R3HDM1: variants seen among roughly 807,000 people sequenced by gnomAD.
The protein encoded by R3HDM1 is R3H domain-containing protein 1.
Under a neutral mutation model 141.1 loss-of-function variants are expected in R3HDM1, and 46 were observed. The ratio of observed to expected loss-of-function variants is 0.33; its 90% CI spans 0.26 to 0.42. The LOEUF (loss-of-function observed/expected upper bound fraction) is 0.42, where lower values mean the gene tolerates loss of function less well. Among genes scored for constraint, R3HDM1 ranks in the 10% least tolerant of loss-of-function variants. R3HDM1 has a pLI of 1.00. For missense variants in R3HDM1, 1,184 were observed against 1,368.3 expected (o/e 0.87, Z 2.12); for synonymous variants, 435 against 472.9 (o/e 0.92, Z 1.04).
At chr2:135,538,587 G>C (rs1045076739) in intron 1 of R3HDM1, among the ~76,000 whole-genome samples, 1 of 152,012 alleles carries the variant, frequency 6.6e-6, no homozygotes, top group African/African-American at 2.4e-5. Context: ...TGCCCTATAA[G>C]CATTTTTCTA....
chr2:135,722,101 C>T lies in R3HDM1; in HGVS notation c.2964+95C>T, dbSNP rs971562794. 3.5e-5 allele frequency: 42 copies of T among 1,194,496 alleles called. No homozygotes were observed. In the Middle Eastern group the frequency reaches 9.5e-4, roughly 27 times the overall value. The allele number at this position is 1,194,496 out of a possible 1,614,324, so 74.0% of individuals were successfully genotyped here. A position where few individuals can be genotyped will look rare whatever the true frequency, so the allele number is the denominator to read the frequency against. On this transcript the variant is annotated intron_variant, in intron 25 of 26. Transcript: ENST00000683871. ...ACCCTGAGCCCACCTGTTGGCACTGCCCAAGAAGAGCTCTGTGCCTCAGCC... is the reference window on the plus strand; with the variant it reads ...ACCCTGAGCCCACCTGTTGGCACTGTCCAAGAAGAGCTCTGTGCCTCAGCC...
chr2:135,659,184 AC>A (rs929259085), intron 18 of R3HDM1, among the ~76,000 whole-genome samples: 2 of 151,182 alleles, frequency 1.3e-5, no homozygotes, highest in Non-Finnish European at 2.9e-5. Context: ...TGAAGCCTCG[AC>A]CTCCCAGATT....
intron 1 of R3HDM1, among the ~76,000 whole-genome samples, chr2:135,577,428 A>AG (rs1705709703): frequency 1.3e-5 from 2 of 148,886 alleles, no homozygotes; most frequent in Non-Finnish European, 3.0e-5. Flanking sequence ...AAAAAAAAAA[A>AG]AAAAAAAAAA....
In R3HDM1 at chr2:135,651,526, T is replaced by A. The variant is rs13399459; in HGVS notation, c.1726-204T>A. ...GTGCATTCCCACTAGATATATTTTT[T>A]AAATAATTTATAATTTATAATATTC... On this transcript the variant is annotated intron_variant, in intron 17 of 26. Transcript: ENST00000683871. 7,338 of 941,728 alleles carry A rather than the reference T, an allele frequency of 7.8e-3. 312 individuals are homozygous for A. In the African/African-American group the frequency reaches 0.1, roughly 13 times the overall value. The allele number at this position is 941,728 out of a possible 1,614,324, so 58.3% of individuals were successfully genotyped here.
chr2:135,681,493 A>T (rs2070300343), intron 21 of R3HDM1, among the ~76,000 whole-genome samples: 1 of 152,170 alleles, frequency 6.6e-6, no homozygotes, highest in Non-Finnish European at 1.5e-5. Flanking sequence ...ATCTGCTTTA[A>T]AGTATTTAAA....
intron 1 of R3HDM1, among the ~76,000 whole-genome samples, chr2:135,539,698 T>TA (rs1697056093): frequency 6.6e-6 from 1 of 150,906 alleles, no homozygotes; most frequent in Non-Finnish European, 1.5e-5. Context: ...TTCTGTAGTC[T>TA]ATTTAAAGTG....
intron 20 of R3HDM1, 70 bp from the exon 21 acceptor site, chr2:135,680,103 T>C: frequency 6.9e-7 from 1 of 1,450,762 alleles, no homozygotes; most frequent in African/African-American, 1.4e-5. Flanking sequence ...TTTATGGAGG[T>C]TGAAAACATA....
chr2:135,699,045 A>AGAT lies in R3HDM1; in HGVS notation c.2460-10388_2460-10387insGAT, dbSNP rs202144929. On this transcript the variant is annotated intron_variant, in intron 21 of 26. Transcript: ENST00000683871. ...TAGATAGATAGATAGATAGATAGAT[A>AGAT]AGATAGATAAGATAGATTGATTAGA... 4.3e-3 allele frequency among the ~76,000 whole-genome samples: 561 copies of AGAT among 129,868 alleles called. 19 individuals are homozygous for AGAT. The highest frequency in any genetic ancestry group is 0.017 in the African/African-American group (519 of 30,294). 85.2% of individuals were successfully genotyped at this position (129,868 alleles called of 152,430 possible). A position where few individuals can be genotyped will look rare whatever the true frequency, so the allele number is the denominator to read the frequency against.
At chr2:135,598,656 T>C (rs1402818277) in intron 1 of R3HDM1, among the ~76,000 whole-genome samples, 2 of 151,864 alleles carry the variant, frequency 1.3e-5, no homozygotes, top group Non-Finnish European at 1.5e-5. Flanking sequence ...TAATCTGTTG[T>C]AGGACAGAGT....
intron 21 of R3HDM1, among the ~76,000 whole-genome samples, chr2:135,691,903 TTTTGTTTGTTTC>T (rs2072450362): frequency 6.6e-6 from 1 of 152,060 alleles, no homozygotes; most frequent in African/African-American, 2.4e-5. Context: ...TCACTAGAGT[TTTTGTTTGTTTC>T]TTTTTTTTTT....
intron 2 of R3HDM1, 23 bp from the exon 3 acceptor site, chr2:135,604,783 T>C (rs1049380892): frequency 3.2e-6 from 5 of 1,546,394 alleles, no homozygotes; most frequent in Non-Finnish European, 4.4e-6. Flanking sequence ...AGTTTCAAAC[T>C]GTATTAATTT....
rs201625101 is a variant in R3HDM1 at position 135,722,563 on chromosome 2, T to G, written c.3049+10T>G. ...GGAGCAGGAGAAACAGGTATGTCTCTGAGGGGCAACTAGATGTGGGTCTGC... is the reference window on the plus strand; with the variant it reads ...GGAGCAGGAGAAACAGGTATGTCTCGGAGGGGCAACTAGATGTGGGTCTGC... On this transcript the variant is annotated intron_variant, in intron 26 of 26. Transcript: ENST00000683871. The G allele has an allele frequency of 1.3e-4, 213 of 1,610,306 alleles. No individual in the cohort carries two copies. The East Asian group carries it at 4.4e-3, about 33-fold the overall frequency.
At chr2:135,552,205 G>A (rs558683355) in intron 1 of R3HDM1, among the ~76,000 whole-genome samples, 1 of 151,556 alleles carries the variant, frequency 6.6e-6, no homozygotes, top group South Asian at 2.1e-4. Context: ...TTTTTGGGGG[G>A]TGCGGGGAGG....
chr2:135,657,756 G>A (rs2066111896), intron 18 of R3HDM1, among the ~76,000 whole-genome samples: 1 of 152,128 alleles, frequency 6.6e-6, no homozygotes, highest in Non-Finnish European at 1.5e-5. Flanking sequence ...TACTGGATTA[G>A]GTATTTATTC....
chr2:135,601,137 A>C (rs72988453), intron 1 of R3HDM1, among the ~76,000 whole-genome samples: 11,639 of 152,264 alleles, frequency 0.076, 1,468 homozygotes, highest in African/African-American at 0.26. Context: ...TGAGATAAAA[A>C]GCTAAAATGG....
chr2:135,598,427 C>T (rs545996886), intron 1 of R3HDM1, among the ~76,000 whole-genome samples: 1 of 152,204 alleles, frequency 6.6e-6, no homozygotes, highest in Non-Finnish European at 1.5e-5. Context: ...GTCTTAAGTC[C>T]AGTACAAAGG....
At chr2:135,693,962 C>T (rs190135519) in intron 21 of R3HDM1, among the ~76,000 whole-genome samples, 3 of 152,138 alleles carry the variant, frequency 2.0e-5, no homozygotes, top group Admixed American at 2.0e-4. Context: ...CAAGATCACG[C>T]CATTGCACTC....
intron 1 of R3HDM1, among the ~76,000 whole-genome samples, chr2:135,555,077 G>A (rs1346808373): frequency 2.0e-5 from 3 of 152,000 alleles, no homozygotes; most frequent in Admixed American, 6.6e-5. Flanking sequence ...CAAGGTGGGC[G>A]GATCACGAGG....
At chr2:135,671,521 C>T (rs530054872) in intron 19 of R3HDM1, among the ~76,000 whole-genome samples, 1 of 151,934 alleles carries the variant, frequency 6.6e-6, no homozygotes, top group African/African-American at 2.4e-5. Context: ...AGGTATGCGC[C>T]ACCACGCCTG....
Sources: allele counts gnomAD v4.1 joint callset (sites outside exome capture counted in the v4.1 genomes callset), GRCh38; gene constraint gnomAD v4.1.1; transcripts MANE v1.5; gene names NCBI Gene and HGNC (gene_info 2026-07-23, HGNC 2026-07-21).